Variants in AJAP1 observed in about 807,000 individuals in gnomAD.
AJAP1 encodes adherens junction-associated protein 1.
A neutral mutation model predicts 35.0 loss-of-function variants in AJAP1; 5 were observed. The ratio of observed to expected loss-of-function variants is 0.14; its 90% confidence interval spans 0.07 to 0.30. AJAP1 has a LOEUF of 0.30. Among genes scored for constraint, AJAP1 ranks in the 10% least tolerant of loss-of-function variants. AJAP1 has a pLI of 1.00. For missense variants in AJAP1, 586 were observed against 571.0 expected (o/e 1.03, Z -0.27); for synonymous variants, 284 against 249.3 (o/e 1.14, Z -1.31).
chr1:4,774,596 C>T (rs1641906421), intron 5 of AJAP1, 38 bp downstream of exon 5: 3 of 1,190,458 alleles, frequency 2.5e-6, no homozygotes, highest in Non-Finnish European at 3.7e-6. Flanking sequence ...TTTTCGTTCC[C>T]TTTCCTCCCC....
chr1:4,752,868 A>G lies in AJAP1; in HGVS notation c.830-16985A>G, dbSNP rs1442182994. Among the ~76,000 whole-genome samples the G allele has an allele frequency of 3.9e-5, 6 of 152,224 alleles. No homozygotes were observed. In the East Asian group the frequency reaches 1.2e-3, roughly 29 times the overall value. On this transcript the variant is annotated intron_variant, in intron 2 of 5. Transcript: ENST00000378191. ...GACAAAGACTGGGTCCTCTAGGGAAAAGGAGGCCTTGCAGAGCCCCCAAAG... is the reference window on the plus strand; with the variant it reads ...GACAAAGACTGGGTCCTCTAGGGAAGAGGAGGCCTTGCAGAGCCCCCAAAG...
At chr1:4,691,533 CT>C (rs1210893210) in intron 1 of AJAP1, among the ~76,000 whole-genome samples, 1 of 152,198 alleles carries the variant, frequency 6.6e-6, no homozygotes, top group Non-Finnish European at 1.5e-5. Flanking sequence ...CAGAGAGGAG[CT>C]TGGGCCTCCA....
chr1:4,713,793 T>C (rs2100270461), intron 2 of AJAP1, among the ~76,000 whole-genome samples: 2 of 152,358 alleles, frequency 1.3e-5, no homozygotes, highest in African/African-American at 4.8e-5. Flanking sequence ...CAGTACAAAG[T>C]GGGCGGGGGC....
chr1:4,663,698 G>GCTGGTGTCGGGAGCAGAGA (rs60584333), intron 1 of AJAP1, among the ~76,000 whole-genome samples: 103,570 of 151,658 alleles, frequency 0.68, 35,684 homozygotes, highest in Non-Finnish European at 0.72. Context: ...CAAGTTGTTA[G>GCTGGTGTCGGGAGCAGAGA]CTGCCCAGAC....
At chr1:4,711,045 A>T (rs572961545) in intron 1 of AJAP1, 14 of 152,350 alleles carry the variant, frequency 9.2e-5, no homozygotes, top group African/African-American at 3.1e-4. Flanking sequence ...GGAGGTGGAT[A>T]ACAGGGTTTC....
intron 1 of AJAP1, among the ~76,000 whole-genome samples, chr1:4,660,414 G>A (rs74051921): frequency 8.0e-4 from 122 of 152,060 alleles, no homozygotes; most frequent in African/African-American, 2.6e-3. Flanking sequence ...GACTATATCC[G>A]TGTCACAATC....
intron 2 of AJAP1, among the ~76,000 whole-genome samples, chr1:4,743,904 C>T (rs1256369051): frequency 3.4e-5 from 5 of 149,216 alleles, no homozygotes; most frequent in South Asian, 4.3e-4. Context: ...GGTGGGGCCA[C>T]GGCACCCTGG....
chr1:4,680,172 C>G, intron 1 of AJAP1, among the ~76,000 whole-genome samples: 1 of 152,130 alleles, frequency 6.6e-6, no homozygotes, highest in Non-Finnish European at 1.5e-5. Context: ...ATGAAGCCCA[C>G]CCACATTACA....
At chr1:4,695,256 C>T (rs9970525) in intron 1 of AJAP1, among the ~76,000 whole-genome samples, 10,374 of 152,152 alleles carry the variant, frequency 0.068, 398 homozygotes, top group Admixed American at 0.095. Context: ...GGGTGGGCTG[C>T]GATGGCTGGA....
intron 1 of AJAP1, among the ~76,000 whole-genome samples, chr1:4,666,699 C>T (rs563044134): frequency 9.2e-5 from 5 of 54,636 alleles, no homozygotes; most frequent in Non-Finnish European, 1.8e-4. Flanking sequence ...CCAAGAATCG[C>T]GGGAGGGGTG....
intron 2 of AJAP1, among the ~76,000 whole-genome samples, chr1:4,731,019 TTTG>T (rs1469407587): frequency 2.0e-5 from 3 of 152,120 alleles, no homozygotes; most frequent in African/African-American, 7.2e-5. Flanking sequence ...CATAAGAACA[TTTG>T]TTTTTTGTTT....
chr1:4,776,245 G>A (rs1641937934), intron 5 of AJAP1, among the ~76,000 whole-genome samples: 1 of 152,192 alleles, frequency 6.6e-6, no homozygotes, highest in Non-Finnish European at 1.5e-5. Flanking sequence ...GAGGCAGTGG[G>A]AGGTTAAATG....
rs550017374 is a variant in AJAP1 at position 4,720,020 on chromosome 1, G to A, written c.829+7321G>A. On this transcript the variant is annotated intron_variant, in intron 2 of 5. Transcript: ENST00000378191. This position sits in a 1 kb window ranked among gnomAD's most constrained non-coding sequence, Gnocchi z 4.4. ...CTCTGCCCCACCTCTGCCCAGGAGT[G>A]GCCTGCATTGTGGATGTCTAGCTTA... 6.6e-6 allele frequency among the ~76,000 whole-genome samples: 1 copy of A among 152,288 alleles called. No individual in the cohort carries two copies. The highest frequency in any genetic ancestry group is 2.4e-5 in the African/African-American group (1 of 41,556).
chr1:4,705,071 A>T (rs1350545834), intron 1 of AJAP1, among the ~76,000 whole-genome samples: 1 of 151,980 alleles, frequency 6.6e-6, no homozygotes, highest in Non-Finnish European at 1.5e-5. Flanking sequence ...TTTGTCAGAT[A>T]AGTAGGTTGC....
chr1:4,744,521 G>A (rs1025626610), intron 2 of AJAP1, among the ~76,000 whole-genome samples: 1 of 152,096 alleles, frequency 6.6e-6, no homozygotes, highest in Non-Finnish European at 1.5e-5. Flanking sequence ...ACCTGCTCAC[G>A]TGCACACACA....
At chr1:4,750,924 AC>A (rs1004864117) in intron 2 of AJAP1, among the ~76,000 whole-genome samples, 10 of 150,066 alleles carry the variant, frequency 6.7e-5, no homozygotes, top group Non-Finnish European at 1.3e-4. Flanking sequence ...CAATCCCCTG[AC>A]CTGGGCTGGG....
rs1014802941 is a variant in AJAP1, at chr1:4,693,657, C to G, written c.30-18243C>G. Among the ~76,000 whole-genome samples the G allele has an allele frequency of 2.0e-5, 3 of 152,246 alleles. No homozygotes were observed. Among genetic ancestry groups the G allele is most frequent in the African/African-American group, 7.2e-5 (3 of 41,542 alleles). ...CTCTAACAATATATGTGAGACTGGG[C>G]ATTTTATAAAAAGCAGAGATTTATT... On this transcript the variant is annotated intron_variant, in intron 1 of 5. Transcript: ENST00000378191. The surrounding 1 kb of genome is among the most constrained non-coding windows in gnomAD (Gnocchi z 4.4).
chr1:4,735,833 G>A (rs1025073816), intron 2 of AJAP1, among the ~76,000 whole-genome samples: 3 of 152,234 alleles, frequency 2.0e-5, no homozygotes, highest in Non-Finnish European at 4.4e-5. Flanking sequence ...CTCTGGCCTC[G>A]GAGCTGGCTC....
Position 4,718,517 on chromosome 1 carries a change from G to A in AJAP1, c.829+5818G>A, listed in dbSNP as rs148090749. 7.5e-3 allele frequency among the ~76,000 whole-genome samples: 1,110 copies of A among 148,138 alleles called. 9 individuals are homozygous for A. Among genetic ancestry groups the A allele is most frequent in the Non-Finnish European group, 0.011 (754 of 67,234 alleles). On this transcript the variant is annotated intron_variant, in intron 2 of 5. Transcript: ENST00000378191. ...TTTTTTTTTTTTTAGATGGAGTCTC[G>A]TTTTGTCACCAGGCTGGAGTGCAGT...
Sources: gnomAD v4.1 joint callset for allele counts (sites outside exome capture counted in the v4.1 genomes callset) on GRCh38, gnomAD v4.1.1 for gene constraint, Gnocchi (gnomAD v3.1) non-coding constraint, MANE v1.5 for transcripts, NCBI Gene and HGNC (gene_info 2026-07-23, HGNC 2026-07-21) for gene names.